Variants in HTRA1 observed in about 807,000 individuals in gnomAD.
HTRA1 encodes the protein serine protease HTRA1.
In HTRA1, 26 loss-of-function variants were observed where a neutral mutation model predicts 49.7. The ratio of observed to expected loss-of-function variants is 0.52; its 90% CI spans 0.38 to 0.73. The LOEUF (loss-of-function observed/expected upper bound fraction) is 0.73. HTRA1 is among the 30% of genes least tolerant of loss of function. The pLI is 0.00. For missense variants in HTRA1, 561 were observed against 667.2 expected (o/e 0.84, Z 1.75); for synonymous variants, 291 against 286.9 (o/e 1.01, Z -0.14).
rs1169792260 is a variant in HTRA1, at chr10:122,490,824, C to CT, written c.777+1203dup. 6.6e-6 allele frequency among the ~76,000 whole-genome samples: 1 copy of CT among 152,198 alleles called. No homozygotes were observed. The highest frequency in any genetic ancestry group is 1.9e-4 in the East Asian group (1 of 5,192). ...TAGGATTCCGGGTCTCCTTCTCCGTCTTTTTATAACATCAAGTTGCTGCCC... is the reference window on the plus strand; with the variant it reads ...TAGGATTCCGGGTCTCCTTCTCCGTCTTTTTTATAACATCAAGTTGCTGCCC... On this transcript the variant is annotated intron_variant, in intron 3 of 8. Coordinates refer to ENST00000368984, the MANE Select transcript of HTRA1 (RefSeq NM_002775.5). This position sits in a 1 kb window ranked among gnomAD's most constrained non-coding sequence, Gnocchi z 4.2.
intron 7 of HTRA1, among the ~76,000 whole-genome samples, chr10:122,511,175 C>T (rs1012918170): frequency 7.2e-5 from 11 of 152,154 alleles, no homozygotes; most frequent in African/African-American, 2.4e-4. Context: ...GCAGGGGTCA[C>T]CAGCCACAGT....
chr10:122,493,700 T>C (rs1311745122), intron 3 of HTRA1, among the ~76,000 whole-genome samples: 1 of 152,188 alleles, frequency 6.6e-6, no homozygotes, highest in Non-Finnish European at 1.5e-5. Flanking sequence ...AAAAGCATCT[T>C]TGGAATCATG....
chr10:122,492,424 C>T (rs1435080651), intron 3 of HTRA1, among the ~76,000 whole-genome samples: 1 of 152,210 alleles, frequency 6.6e-6, no homozygotes, highest in African/African-American at 2.4e-5. Flanking sequence ...ACCTCCACCT[C>T]CAGGACTCAA....
Position 122,462,269 on chromosome 10 carries a change from G to C in HTRA1, c.472+145G>C. 4.0e-6 allele frequency: 3 copies of C among 749,452 alleles called. No individual in the cohort carries two copies. In the South Asian group the frequency reaches 5.3e-5, roughly 13 times the overall value. 46.4% of individuals were successfully genotyped at this position (749,452 alleles called of 1,614,324 possible). ...CTCGGGGACAGGCAGGTGGGCCCCG[G>C]GGTGGCGGATTTCCGCGGGCTGCCT... On this transcript the variant is annotated intron_variant, in intron 1 of 8. Transcript: ENST00000368984.
intron 1 of HTRA1, among the ~76,000 whole-genome samples, chr10:122,486,739 CGTGT>C (rs34013554): frequency 1.3e-5 from 2 of 149,964 alleles, no homozygotes; most frequent in African/African-American, 2.4e-5. Context: ...ATGAGAGAGG[CGTGT>C]GTGTGTGTGT....
At chr10:122,481,436 G>A (rs985109325) in intron 1 of HTRA1, among the ~76,000 whole-genome samples, 1 of 152,242 alleles carries the variant, frequency 6.6e-6, no homozygotes, top group Non-Finnish European at 1.5e-5. Flanking sequence ...ACCAGCTGCA[G>A]CTTCACTCTT....
chr10:122,480,291 A>AC (rs2097490426), intron 1 of HTRA1, among the ~76,000 whole-genome samples: 1 of 151,886 alleles, frequency 6.6e-6, no homozygotes, highest in Admixed American at 6.5e-5. Flanking sequence ...TGGTGTTCCT[A>AC]CCCATCCCAG....
At chr10:122,493,999 G>A (rs910192525) in intron 3 of HTRA1, among the ~76,000 whole-genome samples, 1 of 152,012 alleles carries the variant, frequency 6.6e-6, no homozygotes, top group East Asian at 1.9e-4. Context: ...TGTCCTTCAG[G>A]CCTCTGATTA....
chr10:122,464,613 T>C lies in HTRA1; in HGVS notation c.472+2489T>C, dbSNP rs970345905. Among the ~76,000 whole-genome samples, 1 of 152,188 alleles carries C rather than the reference T, an allele frequency of 6.6e-6. No individual in the cohort carries two copies. The highest frequency in any genetic ancestry group is 1.5e-5 in the Non-Finnish European group (1 of 68,044). On this transcript the variant is annotated intron_variant, in intron 1 of 8. Transcript: ENST00000368984. This position sits in a 1 kb window ranked among gnomAD's most constrained non-coding sequence, Gnocchi z 4.8. The stretch of plus-strand genomic sequence containing the variant: ...ACACAGCCATTCTGTTTTTCCTTAG[T>C]GGAAGGCACTGCTTTGCTGCGCCCC...
Position 122,489,635 on chromosome 10 carries a change from G to A in HTRA1, c.777+9G>A, listed in dbSNP as rs754419252. On this transcript the variant is annotated intron_variant, in intron 3 of 8. Transcript: ENST00000368984. ...TCAAAATTGACCACCAGGTAAGGGT[G>A]TTCTCGCCTGCAGAGGTGAGTTCTC... 2 of 1,612,062 alleles carry A rather than the reference G, an allele frequency of 1.2e-6. No individual in the cohort carries two copies. The highest frequency in any genetic ancestry group is 1.1e-5 in the South Asian group (1 of 90,970).
intron 3 of HTRA1, among the ~76,000 whole-genome samples, chr10:122,497,464 G>A (rs1444260875): frequency 6.6e-6 from 1 of 152,198 alleles, no homozygotes; most frequent in Non-Finnish European, 1.5e-5. Context: ...TGGGTAATGA[G>A]GAGCCAGAGT....
At chr10:122,484,194 C>T (rs527377709) in intron 1 of HTRA1, among the ~76,000 whole-genome samples, 1 of 152,286 alleles carries the variant, frequency 6.6e-6, no homozygotes, top group Admixed American at 6.5e-5. Flanking sequence ...TCTGGCTTAA[C>T]AGAACAGTGT....
chr10:122,465,686 G>A (rs1428811505), intron 1 of HTRA1, among the ~76,000 whole-genome samples: 1 of 152,104 alleles, frequency 6.6e-6, no homozygotes, highest in Non-Finnish European at 1.5e-5. Context: ...TGAAGACAAG[G>A]TTGCCTCCAG....
chr10:122,498,941 T>A (rs1264590467), intron 3 of HTRA1, among the ~76,000 whole-genome samples: 1 of 152,108 alleles, frequency 6.6e-6, no homozygotes, highest in East Asian at 1.9e-4. Context: ...CTTCCCTGTC[T>A]CTATGCAGGG....
chr10:122,510,544 ACT>A (rs2133452215), intron 7 of HTRA1, among the ~76,000 whole-genome samples: 1 of 152,122 alleles, frequency 6.6e-6, no homozygotes, highest in South Asian at 2.1e-4. Flanking sequence ...AGCTCTAGGC[ACT>A]CTGCTTTCGT....
At chr10:122,489,037 A>C in intron 2 of HTRA1, 36 bp downstream of exon 2, 6 of 1,439,916 alleles carry the variant, frequency 4.2e-6, no homozygotes, top group Non-Finnish European at 5.9e-6. Flanking sequence ...TAACCTCCGA[A>C]GCTTTCACCG....
At chr10:122,496,258 T>TTTTTTTTG (rs1565427230) in intron 3 of HTRA1, among the ~76,000 whole-genome samples, 5 of 132,508 alleles carry the variant, frequency 3.8e-5, no homozygotes, top group African/African-American at 1.1e-4. Context: ...TTTTTTTTTT[T>TTTTTTTTG]TGCAGAGATG....
At chr10:122,479,783 C>CAAG (rs2097490180) in intron 1 of HTRA1, among the ~76,000 whole-genome samples, 1 of 114,914 alleles carries the variant, frequency 8.7e-6, no homozygotes. Context: ...ATCGTGGGCC[C>CAAG]GAGGAGATGG....
chr10:122,478,392 A>ATTTTTTTTT (rs34977432), intron 1 of HTRA1, among the ~76,000 whole-genome samples: 1 of 119,100 alleles, frequency 8.4e-6, no homozygotes, highest in Non-Finnish European at 1.7e-5. Context: ...AGTTTGACAG[A>ATTTTTTTTT]TTTTTTTTTT....
Sources: allele counts gnomAD v4.1 joint callset (sites outside exome capture counted in the v4.1 genomes callset), GRCh38; gene constraint gnomAD v4.1.1; non-coding constraint Gnocchi (gnomAD v3.1); transcripts MANE v1.5; gene names NCBI Gene and HGNC (gene_info 2026-07-23, HGNC 2026-07-21).